SETBP1: variants seen among roughly 807,000 people sequenced by gnomAD.
The protein encoded by SETBP1 is SET-binding protein.
SETBP1 carries 9 observed loss-of-function variants against 101.0 expected under a neutral mutation model. The ratio of observed to expected loss-of-function variants is 0.09; its 90% CI spans 0.05 to 0.16. The LOEUF (loss-of-function observed/expected upper bound fraction) is 0.16. SETBP1 is among the 10% of genes least tolerant of loss of function. The pLI is 1.00. For synonymous variants in SETBP1, 818 were observed against 788.5 expected (o/e 1.04, Z -0.63); for missense variants, 1,858 against 2,033.8 (o/e 0.91, Z 1.66).
chr18:44,977,480 A>G (rs1268601707), intron 4 of SETBP1, among the ~76,000 whole-genome samples: 1 of 152,232 alleles, frequency 6.6e-6, no homozygotes, highest in African/African-American at 2.4e-5. Flanking sequence ...ATGCTTTTTG[A>G]TGGATGAATT....
rs188897246 is a variant in SETBP1, at chr18:44,857,332, G to T, written c.487-11898G>T. On this transcript the variant is annotated intron_variant, in intron 2 of 5. Coordinates refer to ENST00000649279, the MANE Select transcript of SETBP1 (RefSeq NM_015559.3). ...ATCTCTCCCTTTAGTAATAGACAAG[G>T]TGTATGAAGCCTGATAATGCCTTGG... Among the ~76,000 whole-genome samples the T allele has an allele frequency of 2.0e-5, 3 of 152,266 alleles. No individual in the cohort carries two copies. The East Asian group carries it at 5.8e-4, about 29-fold the overall frequency.
intron 3 of SETBP1, chr18:44,877,107 C>A: frequency 9.9e-7 from 1 of 1,010,734 alleles, no homozygotes; most frequent in Non-Finnish European, 1.2e-6. Context: ...TGCCATGGAT[C>A]TTTGCTCTCT....
At chr18:44,777,355 C>T (rs969204805) in intron 2 of SETBP1, among the ~76,000 whole-genome samples, 2 of 152,220 alleles carry the variant, frequency 1.3e-5, no homozygotes, top group Non-Finnish European at 2.9e-5. Context: ...GTTATACACT[C>T]AACTCAGTCT....
chr18:44,887,895 C>T (rs1318004200), intron 3 of SETBP1, among the ~76,000 whole-genome samples: 1 of 152,074 alleles, frequency 6.6e-6, no homozygotes, highest in East Asian at 1.9e-4. Context: ...AGCAGGTTAT[C>T]CAATTGTAAA....
intron 2 of SETBP1, among the ~76,000 whole-genome samples, chr18:44,726,606 G>A (rs913156215): frequency 1.4e-4 from 21 of 152,230 alleles, no homozygotes; most frequent in Admixed American, 8.5e-4. Context: ...ATATAGGACC[G>A]CCTCCCATTT....
intron 3 of SETBP1, among the ~76,000 whole-genome samples, chr18:44,889,577 G>A (rs1294975493): frequency 6.6e-6 from 1 of 152,140 alleles, no homozygotes; most frequent in Non-Finnish European, 1.5e-5. Flanking sequence ...TCTTCTAGGT[G>A]TGAGTTGCAC....
chr18:44,808,897 C>T (rs1207825172), intron 2 of SETBP1, among the ~76,000 whole-genome samples: 2 of 152,224 alleles, frequency 1.3e-5, no homozygotes, highest in Non-Finnish European at 2.9e-5. Flanking sequence ...ATCCTAATCA[C>T]CAATTGGATA....
intron 1 of SETBP1, among the ~76,000 whole-genome samples, chr18:44,684,190 T>A (rs538805154): frequency 3.3e-5 from 5 of 152,312 alleles, no homozygotes; most frequent in African/African-American, 4.8e-5. Flanking sequence ...CTAGTGAGTT[T>A]CCCAAAATGT....
intron 4 of SETBP1, among the ~76,000 whole-genome samples, chr18:44,960,116 T>A (rs1189089810): frequency 6.6e-6 from 1 of 152,038 alleles, no homozygotes; most frequent in African/African-American, 2.4e-5. Flanking sequence ...GGGCTTGTCT[T>A]GAACTCCTGA....
chr18:44,748,945 C>A (rs1781672477), intron 2 of SETBP1, among the ~76,000 whole-genome samples: 1 of 152,202 alleles, frequency 6.6e-6, no homozygotes, highest in African/African-American at 2.4e-5. Context: ...GCAGAACACT[C>A]TGCTGGCTGT....
intron 2 of SETBP1, among the ~76,000 whole-genome samples, chr18:44,737,047 A>G (rs2069985279): frequency 6.6e-6 from 1 of 152,240 alleles, no homozygotes; most frequent in African/African-American, 2.4e-5. Context: ...TCTTTGTAAA[A>G]GAATAAATGA....
chr18:44,852,829 T>C (rs2072900406), intron 2 of SETBP1, among the ~76,000 whole-genome samples: 1 of 152,204 alleles, frequency 6.6e-6, no homozygotes, highest in African/African-American at 2.4e-5. Context: ...GTCCTGAGTG[T>C]ATCTAATTTC....
intron 3 of SETBP1, among the ~76,000 whole-genome samples, chr18:44,914,255 G>A (rs954968955): frequency 5.9e-5 from 9 of 152,196 alleles, no homozygotes; most frequent in African/African-American, 2.2e-4. Context: ...GAGAATGTGG[G>A]GATCACCATT....
chr18:44,718,733 C>T (rs913718445), intron 2 of SETBP1, among the ~76,000 whole-genome samples: 3 of 152,118 alleles, frequency 2.0e-5, no homozygotes, highest in Admixed American at 1.3e-4. Context: ...AGACAGAAAG[C>T]TGTCTGTAGT....
chr18:44,887,731 C>T (rs1484674376), intron 3 of SETBP1, among the ~76,000 whole-genome samples: 1 of 152,110 alleles, frequency 6.6e-6, no homozygotes, highest in Non-Finnish European at 1.5e-5. Flanking sequence ...GTAAAATCCT[C>T]AGGCCACAGA....
intron 3 of SETBP1, among the ~76,000 whole-genome samples, chr18:44,876,127 T>A (rs922404643): frequency 6.6e-6 from 1 of 152,198 alleles, no homozygotes; most frequent in South Asian, 2.1e-4. Context: ...TTCCTGTCCT[T>A]CCCCAAACTC....
chr18:44,818,085 C>A (rs930259004), intron 2 of SETBP1, among the ~76,000 whole-genome samples: 1 of 152,148 alleles, frequency 6.6e-6, no homozygotes, highest in Admixed American at 6.5e-5. Flanking sequence ...TCTATTACAG[C>A]GAGATTAAAT....
chr18:44,854,591 A>G (rs2072935717), intron 2 of SETBP1, among the ~76,000 whole-genome samples: 1 of 152,068 alleles, frequency 6.6e-6, no homozygotes, highest in Non-Finnish European at 1.5e-5. Flanking sequence ...ACCCACTCCA[A>G]TCTTCCCAAC....
chr18:44,825,653 C>G (rs375843799), intron 2 of SETBP1, among the ~76,000 whole-genome samples: 18 of 152,210 alleles, frequency 1.2e-4, no homozygotes, highest in African/African-American at 3.6e-4. Context: ...CCTTTGTATT[C>G]CAAGATAGTT....
Sources: allele counts gnomAD v4.1 joint callset (sites outside exome capture counted in the v4.1 genomes callset), GRCh38; gene constraint gnomAD v4.1.1; transcripts MANE v1.5; gene names NCBI Gene and HGNC (gene_info 2026-07-23, HGNC 2026-07-21).